SEMA3E: variants seen among roughly 807,000 people sequenced by gnomAD.
The protein encoded by SEMA3E is semaphorin 3E, also known as semaphorin-3E.
A neutral mutation model predicts 93.6 loss-of-function variants in SEMA3E; 49 were observed. The observed-to-expected ratio is 0.52, with a 90% CI of 0.42 to 0.66. The LOEUF (loss-of-function observed/expected upper bound fraction) is 0.66, where lower values mean the gene tolerates loss of function less well. Ranked by LOEUF, SEMA3E falls within the 30% of genes least tolerant of loss-of-function variation. SEMA3E has a pLI of 0.00. For missense variants in SEMA3E, 906 were observed against 964.8 expected (o/e 0.94, Z 0.81); for synonymous variants, 363 against 330.7 (o/e 1.10, Z -1.06).
chr7:83,622,345 G>A (rs1584370444), intron 1 of SEMA3E, among the ~76,000 whole-genome samples: 1 of 152,272 alleles, frequency 6.6e-6, no homozygotes, highest in East Asian at 1.9e-4. Context: ...TGCTGGTGAG[G>A]TTGTGGAGAA....
chr7:83,410,903 C>T (rs186713566), intron 5 of SEMA3E, among the ~76,000 whole-genome samples: 9 of 152,118 alleles, frequency 5.9e-5, no homozygotes, highest in Admixed American at 2.6e-4. Flanking sequence ...TAATTTATTT[C>T]GCTACTGTGG....
intron 1 of SEMA3E, among the ~76,000 whole-genome samples, chr7:83,566,892 C>T (rs1488235886): frequency 6.6e-6 from 1 of 152,102 alleles, no homozygotes; most frequent in Non-Finnish European, 1.5e-5. Context: ...AACCAAAAAT[C>T]AATTCATAAA....
intron 4 of SEMA3E, among the ~76,000 whole-genome samples, chr7:83,450,142 G>T (rs1390045511): frequency 6.6e-6 from 1 of 152,068 alleles, no homozygotes; most frequent in African/African-American, 2.4e-5. Flanking sequence ...CTTAATGTGG[G>T]GTAACTAGAA....
chr7:83,476,809 G>A (rs1190788815), intron 2 of SEMA3E, among the ~76,000 whole-genome samples: 3 of 152,038 alleles, frequency 2.0e-5, no homozygotes, highest in East Asian at 3.9e-4. Flanking sequence ...ATTTTTAAAG[G>A]CAGTTAAACA....
intron 1 of SEMA3E, among the ~76,000 whole-genome samples, chr7:83,576,738 G>A (rs1009945856): frequency 6.6e-6 from 1 of 152,064 alleles, no homozygotes; most frequent in African/African-American, 2.4e-5. Context: ...CGATTCTCGT[G>A]CCTCAGCCTC....
At chr7:83,439,845 C>T (rs565732845) in intron 4 of SEMA3E, among the ~76,000 whole-genome samples, 2 of 151,022 alleles carry the variant, frequency 1.3e-5, no homozygotes, top group East Asian at 3.9e-4. Context: ...TTATGCCTCT[C>T]TATCAATAAC....
intron 7 of SEMA3E, 74 bp from the exon 8 acceptor site, chr7:83,406,133 A>G (rs1373485587): frequency 1.9e-6 from 2 of 1,061,080 alleles, no homozygotes; most frequent in African/African-American, 1.6e-5. Flanking sequence ...ATTATTAAAC[A>G]TGCAGTTGCC....
chr7:83,613,958 A>G (rs1584364861), intron 1 of SEMA3E, among the ~76,000 whole-genome samples: 2 of 152,162 alleles, frequency 1.3e-5, no homozygotes, highest in East Asian at 3.8e-4. Flanking sequence ...ACATAAAAGC[A>G]GGAAAATAAA....
intron 1 of SEMA3E, among the ~76,000 whole-genome samples, chr7:83,491,322 C>T (rs934478157): frequency 6.6e-6 from 1 of 151,336 alleles, no homozygotes; most frequent in Non-Finnish European, 1.5e-5. Context: ...TGTTGATGCC[C>T]AAAACTTTGT....
At chr7:83,392,475 C>G (rs1461156111) in intron 14 of SEMA3E, 80 bp downstream of exon 14, 1 of 1,438,040 alleles carries the variant, frequency 7.0e-7, no homozygotes, top group Non-Finnish European at 9.3e-7. Flanking sequence ...TTCTGGAAAA[C>G]TTCAAGTTAA....
intron 1 of SEMA3E, among the ~76,000 whole-genome samples, chr7:83,620,863 A>G (rs1793541766): frequency 6.6e-6 from 1 of 151,998 alleles, no homozygotes; most frequent in South Asian, 2.1e-4. Context: ...TAAGAGCCAC[A>G]TATGATAAGC....
intron 4 of SEMA3E, among the ~76,000 whole-genome samples, chr7:83,461,252 G>A (rs1183384503): frequency 5.3e-5 from 8 of 151,744 alleles, no homozygotes; most frequent in African/African-American, 1.7e-4. Context: ...TTTCCCTCCC[G>A]CCTGTACCCT....
intron 1 of SEMA3E, among the ~76,000 whole-genome samples, chr7:83,593,989 A>G (rs1792814412): frequency 6.6e-6 from 1 of 152,116 alleles, no homozygotes; most frequent in African/African-American, 2.4e-5. Flanking sequence ...ATTTCATTTC[A>G]CATTTGTTAA....
At position 83,367,926 on chromosome 7, in the gene SEMA3E, T is replaced by C; in HGVS notation, c.1988A>G (p.His663Arg). The change falls in exon 17 of 17, where the codon CAT becomes CGT. Residue 663 changes from histidine to arginine, a missense_variant. Transcript: ENST00000643230. ...FCQTVEHSFV[H>R]TVRKITLEVV... ...CTCCAAGGTGATTTTACGGACCGTA[T>C]GGACAAAGCTATGCTCTACTGTCTG... 1 of 1,612,060 alleles carries C rather than the reference T, an allele frequency of 6.2e-7. No homozygotes were observed. The highest frequency in any genetic ancestry group is 1.1e-5 in the South Asian group (1 of 90,956).
intron 1 of SEMA3E, among the ~76,000 whole-genome samples, chr7:83,576,982 G>A (rs527985257): frequency 6.8e-4 from 104 of 152,168 alleles, no homozygotes; most frequent in African/African-American, 2.2e-3. Flanking sequence ...TTCCATCGTG[G>A]TAATAAGTTT....
chr7:83,418,955 G>T (rs1788617570), intron 4 of SEMA3E, among the ~76,000 whole-genome samples: 1 of 151,962 alleles, frequency 6.6e-6, no homozygotes, highest in South Asian at 2.1e-4. Flanking sequence ...TGGCCTTATT[G>T]TGTGATGCTG....
chr7:83,496,375 AT>A (rs778686753), intron 1 of SEMA3E, among the ~76,000 whole-genome samples: 5 of 152,058 alleles, frequency 3.3e-5, no homozygotes, highest in Non-Finnish European at 5.9e-5. Flanking sequence ...TTTTCAAAAT[AT>A]TTAATAGGTT....
At chr7:83,389,772 GTA>G (rs1425071026) in intron 14 of SEMA3E, among the ~76,000 whole-genome samples, 1 of 113,314 alleles carries the variant, frequency 8.8e-6, no homozygotes, top group Non-Finnish European at 1.8e-5. Flanking sequence ...ATATATACAC[GTA>G]TATATTACAT....
intron 2 of SEMA3E, among the ~76,000 whole-genome samples, chr7:83,485,794 G>A (rs921593967): frequency 1.3e-5 from 2 of 152,044 alleles, no homozygotes; most frequent in Non-Finnish European, 2.9e-5. Context: ...GAAGGTAGCT[G>A]CCCCTGCAAT....
Sources: gnomAD v4.1 joint callset for allele counts (sites outside exome capture counted in the v4.1 genomes callset) on GRCh38, gnomAD v4.1.1 for gene constraint, MANE v1.5 for transcripts, NCBI Gene and HGNC (gene_info 2026-07-23, HGNC 2026-07-21) for gene names.